The following DNAJC1 variants were observed in gnomAD, a reference collection of about 807,000 sequenced individuals.
The protein encoded by DNAJC1 is dnaJ homolog subfamily C member 1.
A neutral mutation model predicts 76.6 loss-of-function variants in DNAJC1; 58 were observed. The observed-to-expected ratio is 0.76, with a 90% CI of 0.61 to 0.94. The LOEUF is 0.94. Ranked by LOEUF, DNAJC1 falls within the 40% of genes least tolerant of loss-of-function variation. DNAJC1 has a pLI of 0.00. For missense variants in DNAJC1, 689 were observed against 677.3 expected, an observed-to-expected ratio of 1.02 and a Z score of -0.19; for synonymous variants, 258 against 267.9, an observed-to-expected ratio of 0.96 and a Z score of 0.36.
chr10:21,984,644 T>C (rs1228390000), intron 1 of DNAJC1, among the ~76,000 whole-genome samples: 1 of 152,224 alleles, frequency 6.6e-6, no homozygotes, highest in African/African-American at 2.4e-5. Flanking sequence ...GTGATTAGTC[T>C]GCCATATATA....
intron 1 of DNAJC1, among the ~76,000 whole-genome samples, chr10:21,961,211 T>C (rs1028853257): frequency 2.0e-5 from 3 of 152,196 alleles, no homozygotes; most frequent in Admixed American, 2.0e-4. Flanking sequence ...GATCTGGCAA[T>C]TCCATTTCTA....
rs531011641 is a variant in DNAJC1, at chr10:21,964,948, C to A, written c.223-35807G>T. On this transcript the variant is annotated intron_variant, in intron 1 of 11. Transcript: ENST00000376980. ...TCTCTTTGACTGTTTTCAAAAATTT[C>A]TCCCTCTCTTCTGCATTTTTATTAT... 7.9e-5 allele frequency among the ~76,000 whole-genome samples: 12 copies of A among 152,016 alleles called. No individual in the cohort carries two copies. In the South Asian group the frequency reaches 2.5e-3, roughly 32 times the overall value.
At chr10:21,995,260 A>G (rs1438577202) in intron 1 of DNAJC1, among the ~76,000 whole-genome samples, 1 of 152,156 alleles carries the variant, frequency 6.6e-6, no homozygotes, top group Non-Finnish European at 1.5e-5. Flanking sequence ...TACGGACCCT[A>G]AGATTTCTTC....
chr10:21,975,032 T>C (rs768936684), intron 1 of DNAJC1, among the ~76,000 whole-genome samples: 24 of 152,082 alleles, frequency 1.6e-4, no homozygotes, highest in Admixed American at 1.3e-4. Context: ...GAAAATGGTA[T>C]GGAAGTATAT....
At chr10:21,848,446 C>T (rs994511758) in intron 8 of DNAJC1, among the ~76,000 whole-genome samples, 4 of 152,088 alleles carry the variant, frequency 2.6e-5, no homozygotes, top group African/African-American at 2.4e-5. Flanking sequence ...TAGCTTGTTG[C>T]AATCCTTTTT....
At chr10:21,915,402 G>C (rs552693648) in intron 6 of DNAJC1, among the ~76,000 whole-genome samples, 1 of 152,244 alleles carries the variant, frequency 6.6e-6, no homozygotes, top group African/African-American at 2.4e-5. Flanking sequence ...AAGAACTATT[G>C]CTATGACAAG....
intron 9 of DNAJC1, among the ~76,000 whole-genome samples, chr10:21,790,245 G>GA (rs758527118): frequency 2.3e-4 from 35 of 151,364 alleles, no homozygotes; most frequent in Non-Finnish European, 4.6e-4. Flanking sequence ...AGAAGACATG[G>GA]AAAAAGGCAT....
chr10:21,850,735 C>A (rs965111009), intron 8 of DNAJC1, among the ~76,000 whole-genome samples: 2 of 151,930 alleles, frequency 1.3e-5, no homozygotes. Context: ...GGAAAAAGAA[C>A]AAAGGCTGGA....
chr10:21,793,814 G>A (rs1244542261), intron 9 of DNAJC1, among the ~76,000 whole-genome samples: 1 of 152,094 alleles, frequency 6.6e-6, no homozygotes, highest in Non-Finnish European at 1.5e-5. Flanking sequence ...TAGCTGGGCA[G>A]TGGTGGTCCA....
At chr10:21,839,799 A>G (rs1163058431) in intron 8 of DNAJC1, among the ~76,000 whole-genome samples, 1 of 152,222 alleles carries the variant, frequency 6.6e-6, no homozygotes, top group Non-Finnish European at 1.5e-5. Context: ...ACACAACAAA[A>G]AAAGAGAATT....
At chr10:21,962,634 AT>A (rs916751556) in intron 1 of DNAJC1, among the ~76,000 whole-genome samples, 2 of 144,494 alleles carry the variant, frequency 1.4e-5, no homozygotes, top group African/African-American at 5.1e-5. Context: ...CGCTCAGCTA[AT>A]TTTTTTTCTT....
intron 1 of DNAJC1, among the ~76,000 whole-genome samples, chr10:21,941,862 T>C (rs1837418502): frequency 6.6e-6 from 1 of 152,112 alleles, no homozygotes; most frequent in African/African-American, 2.4e-5. Flanking sequence ...TGTTATTTGA[T>C]TTAGATTTAT....
At chr10:21,854,710 G>A (rs1835808116) in intron 8 of DNAJC1, among the ~76,000 whole-genome samples, 1 of 152,114 alleles carries the variant, frequency 6.6e-6, no homozygotes, top group Admixed American at 6.5e-5. Flanking sequence ...GCAGAAGAGA[G>A]CAGGTGGTAT....
intron 8 of DNAJC1, among the ~76,000 whole-genome samples, chr10:21,874,543 C>A: frequency 6.6e-6 from 1 of 151,920 alleles, no homozygotes; most frequent in African/African-American, 2.4e-5. Flanking sequence ...TAAAAGGCTA[C>A]ATATTGTATA....
In DNAJC1 at chr10:22,003,448, GA is replaced by G. The variant is rs1217233239; in HGVS notation, c.-15del. 38 of 1,354,884 alleles carry G rather than the reference GA, an allele frequency of 2.8e-5. No homozygotes were observed. The highest frequency in any genetic ancestry group is 3.5e-5 in the Non-Finnish European group (37 of 1,058,988). 83.9% of individuals were successfully genotyped at this position (1,354,884 alleles called of 1,614,324 possible). On this transcript the variant is annotated 5_prime_UTR_variant, in exon 1 of 12. Transcript: ENST00000376980. ...AGGAGCCGTCATCGCGCTGGGCTCG[GA>G]AAGGTCACCCGCCGCGCAGCTCCGT...
intron 6 of DNAJC1, among the ~76,000 whole-genome samples, chr10:21,908,213 T>A (rs1268917176): frequency 1.2e-5 from 1 of 84,366 alleles, no homozygotes; most frequent in Non-Finnish European, 2.1e-5. Context: ...ATAAAATATA[T>A]ATTATATATA....
chr10:21,766,777 C>G (rs1488427145), intron 9 of DNAJC1, among the ~76,000 whole-genome samples: 1 of 151,966 alleles, frequency 6.6e-6, no homozygotes, highest in Non-Finnish European at 1.5e-5. Flanking sequence ...TCAAGACCAG[C>G]CTGTCCAACA....
intron 8 of DNAJC1, among the ~76,000 whole-genome samples, chr10:21,816,873 T>A (rs1421648688): frequency 4.6e-5 from 6 of 129,972 alleles, no homozygotes; most frequent in Non-Finnish European, 9.8e-5. Flanking sequence ...AAAAAAAAAA[T>A]GCCGGGCGCG....
At chr10:21,835,686 C>G (rs1651901005) in intron 8 of DNAJC1, among the ~76,000 whole-genome samples, 2 of 152,170 alleles carry the variant, frequency 1.3e-5, no homozygotes, top group African/African-American at 4.8e-5. Context: ...AATGCAGAAG[C>G]CTCAGTAGCC....
Sources: allele counts gnomAD v4.1 joint callset (sites outside exome capture counted in the v4.1 genomes callset), GRCh38; gene constraint gnomAD v4.1.1; transcripts MANE v1.5; gene names NCBI Gene and HGNC (gene_info 2026-07-23, HGNC 2026-07-21).